The following LHFPL3 variants were observed in gnomAD, a reference collection of about 807,000 sequenced individuals.
The protein encoded by LHFPL3 is LHFPL tetraspan subfamily member 3, also known as LHFPL tetraspan subfamily member 3 protein.
In LHFPL3, 5 loss-of-function variants were observed where a neutral mutation model predicts 19.3. That is an observed-to-expected ratio of 0.26 (90% CI 0.14 to 0.54). The LOEUF (loss-of-function observed/expected upper bound fraction) is 0.54, where lower values mean the gene tolerates loss of function less well. LHFPL3 is among the 20% of genes least tolerant of loss of function. LHFPL3 has a pLI of 0.94. For missense variants in LHFPL3, 249 were observed against 307.4 expected (o/e 0.81, Z 1.42); for synonymous variants, 133 against 126.2 (o/e 1.05, Z -0.36).
chr7:104,523,990 A>G (rs916986104), intron 1 of LHFPL3, among the ~76,000 whole-genome samples: 2 of 152,302 alleles, frequency 1.3e-5, no homozygotes, highest in East Asian at 3.9e-4. Flanking sequence ...TAATCTGTAA[A>G]CAGGTGTTTA....
At chr7:104,779,704 T>C (rs1794688705) in intron 2 of LHFPL3, among the ~76,000 whole-genome samples, 1 of 152,234 alleles carries the variant, frequency 6.6e-6, no homozygotes, top group Non-Finnish European at 1.5e-5. Flanking sequence ...TCTTCCTTTG[T>C]CCATGAACAC....
At chr7:104,357,044 G>A (rs1584264069) in intron 1 of LHFPL3, among the ~76,000 whole-genome samples, 2 of 152,270 alleles carry the variant, frequency 1.3e-5, no homozygotes, top group South Asian at 4.1e-4. Context: ...TCAAACTATT[G>A]AGTAAATAGT....
chr7:104,411,268 A>G (rs1791529414), intron 1 of LHFPL3, among the ~76,000 whole-genome samples: 1 of 152,138 alleles, frequency 6.6e-6, no homozygotes. Context: ...ATTTATCTTT[A>G]TATGTGAAAT....
At chr7:104,818,626 T>C (rs1344974390) in intron 2 of LHFPL3, among the ~76,000 whole-genome samples, 1 of 152,178 alleles carries the variant, frequency 6.6e-6, no homozygotes, top group Non-Finnish European at 1.5e-5. Context: ...AGTTTATAAG[T>C]AAAATAACCA....
intron 1 of LHFPL3, among the ~76,000 whole-genome samples, chr7:104,575,913 G>A (rs768466024): frequency 3.4e-4 from 51 of 152,114 alleles, no homozygotes; most frequent in Non-Finnish European, 6.6e-4. Context: ...GGGCTTCAGG[G>A]AGGTAATCTT....
At chr7:104,417,500 G>A (rs1791645106) in intron 1 of LHFPL3, among the ~76,000 whole-genome samples, 1 of 152,126 alleles carries the variant, frequency 6.6e-6, no homozygotes, top group Admixed American at 6.5e-5. Flanking sequence ...TTTTCTACAT[G>A]TAGTTTATAC....
At chr7:104,894,389 C>A (rs1209658234) in intron 2 of LHFPL3, among the ~76,000 whole-genome samples, 4 of 152,150 alleles carry the variant, frequency 2.6e-5, no homozygotes, top group Non-Finnish European at 2.9e-5. Context: ...TTGCAGGGAA[C>A]AAGGATTACA....
intron 2 of LHFPL3, among the ~76,000 whole-genome samples, chr7:104,782,988 C>G (rs1237250368): frequency 3.3e-5 from 5 of 152,230 alleles, no homozygotes. Flanking sequence ...TTCTTTTATC[C>G]CTCCTTAAGA....
chr7:104,723,903 T>A (rs1793537028), intron 1 of LHFPL3, among the ~76,000 whole-genome samples: 1 of 152,152 alleles, frequency 6.6e-6, no homozygotes. Flanking sequence ...TTACTATCCC[T>A]CCTGGTCAGG....
At chr7:104,879,449 A>G (rs1052011410) in intron 2 of LHFPL3, among the ~76,000 whole-genome samples, 14 of 152,104 alleles carry the variant, frequency 9.2e-5, no homozygotes, top group African/African-American at 3.4e-4. Context: ...ACTAGGGGCA[A>G]TATCTCATGA....
intron 1 of LHFPL3, among the ~76,000 whole-genome samples, chr7:104,333,448 C>T (rs1222334117): frequency 6.6e-6 from 1 of 152,114 alleles, no homozygotes; most frequent in East Asian, 1.9e-4. Context: ...ATGGGTTGTA[C>T]TCCCCAGATT....
At chr7:104,451,415 T>C (rs1792434639) in intron 1 of LHFPL3, among the ~76,000 whole-genome samples, 1 of 152,178 alleles carries the variant, frequency 6.6e-6, no homozygotes, top group African/African-American at 2.4e-5. Flanking sequence ...CACTGTGATA[T>C]TGGGGAAGGA....
intron 2 of LHFPL3, among the ~76,000 whole-genome samples, chr7:104,840,754 A>G (rs1791187171): frequency 6.6e-6 from 1 of 152,062 alleles, no homozygotes; most frequent in Non-Finnish European, 1.5e-5. Context: ...GAAGTGGGAA[A>G]TTAAACTATA....
intron 2 of LHFPL3, among the ~76,000 whole-genome samples, chr7:104,833,031 T>TA (rs1339972769): frequency 0.036 from 163 of 4,584 alleles, 13 homozygotes; most frequent in African/African-American, 0.052. Context: ...AATAGATATA[T>TA]TATATATATA....
At chr7:104,832,561 GCT>G (rs1024818881) in intron 2 of LHFPL3, among the ~76,000 whole-genome samples, 2 of 150,142 alleles carry the variant, frequency 1.3e-5, no homozygotes, top group African/African-American at 4.9e-5. Flanking sequence ...ACTTCAAATA[GCT>G]CTTTCCCTGC....
At chr7:104,397,362 A>G (rs189044992) in intron 1 of LHFPL3, among the ~76,000 whole-genome samples, 190 of 152,254 alleles carry the variant, frequency 1.2e-3, no homozygotes, top group African/African-American at 4.4e-3. Context: ...TTCCCCATTT[A>G]TTTCATTATT....
At chr7:104,584,857 C>T (rs969016309) in intron 1 of LHFPL3, among the ~76,000 whole-genome samples, 6 of 152,126 alleles carry the variant, frequency 3.9e-5, no homozygotes, top group African/African-American at 9.7e-5. Context: ...CATGGTAATT[C>T]GGTGATCTCA....
At chr7:104,595,870 G>C (rs1790841530) in intron 1 of LHFPL3, among the ~76,000 whole-genome samples, 1 of 152,262 alleles carries the variant, frequency 6.6e-6, no homozygotes. Context: ...TGCTGAGCCA[G>C]GCATGGGAGA....
chr7:104,595,173 G>T (rs564965181), intron 1 of LHFPL3, among the ~76,000 whole-genome samples: 1 of 152,276 alleles, frequency 6.6e-6, no homozygotes, highest in African/African-American at 2.4e-5. Context: ...CCATCTTTGT[G>T]GTTATATCTA....
Sources: allele counts gnomAD v4.1 joint callset (sites outside exome capture counted in the v4.1 genomes callset), GRCh38; gene constraint gnomAD v4.1.1; transcripts MANE v1.5; gene names NCBI Gene and HGNC (gene_info 2026-07-23, HGNC 2026-07-21).